Variants in COL9A2 observed in about 807,000 individuals in gnomAD.
COL9A2 encodes collagen alpha-2(IX) chain.
COL9A2 carries 66 observed loss-of-function variants against 111.6 expected under a neutral mutation model. The observed-to-expected ratio is 0.59, with a 90% CI of 0.48 to 0.73. COL9A2 has a LOEUF of 0.73. Among genes scored for constraint, COL9A2 ranks in the 30% least tolerant of loss-of-function variants. The probability of loss-of-function intolerance (pLI) is 0.00; values close to 1 mark genes in which losing one functional copy is unlikely to be tolerated. For synonymous variants in COL9A2, 353 were observed against 364.1 expected, an observed-to-expected ratio of 0.97 and a Z score of 0.35; for missense variants, 881 against 954.1, an observed-to-expected ratio of 0.92 and a Z score of 1.01.
In COL9A2 at chr1:40,311,105, G is replaced by C. The variant is rs1382221363; in HGVS notation, c.618C>G (p.His206Gln). The C allele has an allele frequency of 1.9e-6, 3 of 1,614,126 alleles. No homozygotes were observed. ...GKRGILGDPGHQGKPGPKGDV... is the reference protein window; with the variant it reads ...GKRGILGDPGQQGKPGPKGDV... ...CCCTTGCACTCACCGGCTTCCCCTG[G>C]TGGCCAGGATCACCCAGAATCCCGC... is the stretch of plus-strand genomic sequence containing the variant. The change falls in exon 12 of 32, where the codon CAC becomes CAG. Residue 206 changes from histidine (H) to glutamine (Q), a missense_variant. Transcript: ENST00000372748. This position sits in a 1 kb window ranked among gnomAD's most constrained non-coding sequence, Gnocchi z 5.1.
At chr1:40,313,939 T>G (rs1285664787) in intron 4 of COL9A2, among the ~76,000 whole-genome samples, 5 of 152,294 alleles carry the variant, frequency 3.3e-5, no homozygotes, top group Middle Eastern at 6.8e-3. Context: ...GACTAAGTCC[T>G]GACTGCTGAG....
In COL9A2 at chr1:40,303,857, A is replaced by T. The variant is rs1185167364; in HGVS notation, c.1369-18T>A. 10 of 1,551,700 alleles carry T rather than the reference A, an allele frequency of 6.4e-6. No homozygotes were observed. The highest frequency in any genetic ancestry group is 8.7e-6 in the Non-Finnish European group (10 of 1,148,488). On this transcript the variant is annotated intron_variant, in intron 26 of 31. Transcript: ENST00000372748. The surrounding 1 kb of genome is among the most constrained non-coding windows in gnomAD (Gnocchi z 4.6). ...GACTCGCCCTGCAGGCACAAGGAGC[A>T]GCGGTCACGAAGCCGCGGGGACCCC...
Position 40,302,829 on chromosome 1 carries a change from GA to G in COL9A2, c.1604-21del. ...GTTGCTCTGGAGGGAGGGAGGGAGG[GA>G]GGGAGAGGGAAGTCTATGAGATGGG... On this transcript the variant is annotated intron_variant, in intron 29 of 31. Transcript: ENST00000372748. This position sits in a 1 kb window ranked among gnomAD's most constrained non-coding sequence, Gnocchi z 4.5. 1 of 501,098 alleles carries G rather than the reference GA, an allele frequency of 2.0e-6. No homozygotes were observed. The highest frequency in any genetic ancestry group is 4.0e-6 in the Non-Finnish European group (1 of 250,528). The allele number at this position is 501,098 out of a possible 1,614,324, so 31.0% of individuals were successfully genotyped here.
chr1:40,303,517 G>C lies in COL9A2; in HGVS notation c.1548+13C>G. 6.2e-7 allele frequency: 1 copy of C among 1,612,802 alleles called. No homozygotes were observed. The highest frequency in any genetic ancestry group is 8.5e-7 in the Non-Finnish European group (1 of 1,179,844). ...CCTAGAAGAAGCACCTCCTACCCCG[G>C]GGCCCGACTCACCTCCACGCCCTGT... On this transcript the variant is annotated intron_variant, in intron 28 of 31. Transcript: ENST00000372748. The surrounding 1 kb of genome is among the most constrained non-coding windows in gnomAD (Gnocchi z 4.6).
rs934855163 is a variant in COL9A2 at position 40,310,486 on chromosome 1, C to A, written c.685-169G>T. Among the ~76,000 whole-genome samples the A allele has an allele frequency of 2.0e-5, 3 of 152,186 alleles. No homozygotes were observed. Among genetic ancestry groups the A allele is most frequent in the Admixed American group, 1.3e-4 (2 of 15,280 alleles). On this transcript the variant is annotated intron_variant, in intron 13 of 31. Transcript: ENST00000372748. This position sits in a 1 kb window ranked among gnomAD's most constrained non-coding sequence, Gnocchi z 4.9. ...AGATGAGGAGGGACTCACTGCATTA[C>A]TCAAAGGGACAGTGGCAGACCTGGA...
intron 2 of COL9A2, chr1:40,315,295 C>T: frequency 5.7e-6 from 7 of 1,233,782 alleles, no homozygotes; most frequent in Non-Finnish European, 7.1e-6. Flanking sequence ...GCCTCCTACC[C>T]CACAAGGAGG....
At chr1:40,313,452 A>T (rs926773158) in intron 4 of COL9A2, among the ~76,000 whole-genome samples, 1 of 152,210 alleles carries the variant, frequency 6.6e-6, no homozygotes, top group Non-Finnish European at 1.5e-5. Context: ...TACAGGCATA[A>T]GCCACCACGC....
Position 40,302,772 on chromosome 1 carries a change from T to C in COL9A2, c.1641A>G (p.Glu547=). 6.8e-7 allele frequency: 1 copy of C among 1,468,972 alleles called. No individual in the cohort carries two copies. Among genetic ancestry groups the C allele is most frequent in the Non-Finnish European group, 9.1e-7 (1 of 1,097,900 alleles). 91.0% of individuals were successfully genotyped at this position (1,468,972 alleles called of 1,614,324 possible). ...LAEVAVSAKR[E]ALGAVGMMGP... Reference sequence around the variant, plus strand: ...CCATCATGCCCACCGCACCCAGGGCTTCCCGCTTGGCACTCACGGCGACCT... The same window carrying C: ...CCATCATGCCCACCGCACCCAGGGCCTCCCGCTTGGCACTCACGGCGACCT... Residue 547 remains glutamate, a synonymous_variant, in exon 30 of 32, where the codon GAA becomes GAG. Transcript: ENST00000372748. This position sits in a 1 kb window ranked among gnomAD's most constrained non-coding sequence, Gnocchi z 4.5.
Position 40,316,628 on chromosome 1 carries a change from A to T in COL9A2, c.75+495T>A, listed in dbSNP as rs537731879. On this transcript the variant is annotated intron_variant, in intron 1 of 31. Coordinates refer to ENST00000372748, the MANE Select transcript of COL9A2 (RefSeq NM_001852.4). The surrounding 1 kb of genome is among the most constrained non-coding windows in gnomAD (Gnocchi z 5.5). ...AGCTCGAAACCACACCCAGCACCCG[A>T]CCGGGCCCAGTCTCTGCCCTACCCG... is the stretch of plus-strand genomic sequence containing the variant. 3.3e-3 allele frequency: 1,483 copies of T among 454,706 alleles called. 18 individuals carry two copies. Among genetic ancestry groups the T allele is most frequent in the South Asian group, 0.015 (943 of 64,458 alleles). 28.2% of individuals were successfully genotyped at this position (454,706 alleles called of 1,614,324 possible). A position where few individuals can be genotyped will look rare whatever the true frequency, so the allele number is the denominator to read the frequency against.
rs1036640585 is a variant in COL9A2, at chr1:40,301,064, C to G, written c.*118G>C. 1.1e-5 allele frequency: 12 copies of G among 1,095,908 alleles called. No individual in the cohort carries two copies. The African/African-American group carries it at 1.7e-4, about 16-fold the overall frequency. The allele number at this position is 1,095,908 out of a possible 1,614,324, so 67.9% of individuals were successfully genotyped here. On this transcript the variant is annotated 3_prime_UTR_variant, in exon 32 of 32. Transcript: ENST00000372748. ...TCCTTTTCCTTAGGACTCCTGAGTCCCAGACAGAAGGTCCTGGGGGAGATG... is the reference window on the plus strand; with the variant it reads ...TCCTTTTCCTTAGGACTCCTGAGTCGCAGACAGAAGGTCCTGGGGGAGATG...
chr1:40,305,778 A>G lies in COL9A2; in HGVS notation c.1054-10T>C, dbSNP rs777732436. The stretch of plus-strand genomic sequence containing the variant: ...GCGGGCCCGGCTCACCCTGCAGGAA[A>G]ACAGTTCTCAGGTCAGTCTGGGTGG... On this transcript the variant is annotated splice_polypyrimidine_tract_variant and intron_variant, in intron 20 of 31. Coordinates refer to ENST00000372748, the MANE Select transcript of COL9A2 (RefSeq NM_001852.4). The G allele has an allele frequency of 6.2e-7, 1 of 1,613,860 alleles. No homozygotes were observed. Among genetic ancestry groups the G allele is most frequent in the Non-Finnish European group, 8.5e-7 (1 of 1,179,900 alleles).
chr1:40,309,668 TCA>T (rs922823793), intron 16 of COL9A2, among the ~76,000 whole-genome samples: 2 of 150,966 alleles, frequency 1.3e-5, no homozygotes, highest in Admixed American at 6.6e-5. Flanking sequence ...ATACATACAC[TCA>T]CAGTCACACA....
chr1:40,303,626 G>A lies in COL9A2; in HGVS notation c.1452C>T (p.Gly484=), dbSNP rs1031949741. The part of the protein sequence containing the change: ...PGYPGPSGDA[G]APGVQGYPGP... The stretch of plus-strand genomic sequence containing the variant: ...CAGGGTAGCCCTGAACCCCTGGGGC[G>A]CCCGCATCCCCGCTGGGGCCAGGGT... Residue 484 remains glycine, a synonymous_variant, in exon 28 of 32, where the codon GGC becomes GGT. Transcript: ENST00000372748. This position sits in a 1 kb window ranked among gnomAD's most constrained non-coding sequence, Gnocchi z 4.6. The A allele has an allele frequency of 1.9e-6, 3 of 1,596,436 alleles. No individual in the cohort carries two copies. Among genetic ancestry groups the A allele is most frequent in the Non-Finnish European group, 1.7e-6 (2 of 1,172,530 alleles).
Position 40,307,676 on chromosome 1 carries a change from C to G in COL9A2, c.954+27G>C, listed in dbSNP as rs760901425. ...AGGACTCAAGGTCCTGCCCCTGCCC[C>G]AGTCCCATCAGCAGCCCCACTCCTA... On this transcript the variant is annotated intron_variant, in intron 18 of 31. Transcript: ENST00000372748. This position sits in a 1 kb window ranked among gnomAD's most constrained non-coding sequence, Gnocchi z 4.8. 1 of 1,613,738 alleles carries G rather than the reference C, an allele frequency of 6.2e-7. No homozygotes were observed. Among genetic ancestry groups the G allele is most frequent in the Non-Finnish European group, 8.5e-7 (1 of 1,179,746 alleles).
intron 16 of COL9A2, among the ~76,000 whole-genome samples, chr1:40,309,686 ACT>A (rs1189290576): frequency 1.8e-4 from 28 of 151,818 alleles, no homozygotes; most frequent in African/African-American, 6.8e-4. Context: ...ACACACACAC[ACT>A]CAGAGATATC....
In COL9A2 at chr1:40,315,653, C is replaced by T; in HGVS notation, c.87G>A (p.Pro29=). Residue 29 remains proline, a synonymous_variant, in exon 2 of 32, where the codon CCG becomes CCA. Coordinates refer to ENST00000372748, the MANE Select transcript of COL9A2 (RefSeq NM_001852.4). ...VLALAQIRGP[P]GERGPPGPPG... ...GGGGACCCGGGGGGCCCCGCTCTCC[C>T]GGTGGACCTCTCTGAAAAACACACA... The T allele has an allele frequency of 1.3e-6, 2 of 1,553,448 alleles. No homozygotes were observed. The highest frequency in any genetic ancestry group is 2.4e-5 in the East Asian group (1 of 41,638).
Position 40,316,674 on chromosome 1 carries a change from GC to G in COL9A2, c.75+448del. 2.3e-6 allele frequency: 1 copy of G among 436,332 alleles called. No individual in the cohort carries two copies. 27.0% of individuals were successfully genotyped at this position (436,332 alleles called of 1,614,324 possible). ...ACCCGCGCGCCCGCAGCCCCCGGCG[GC>G]CCTCGGAAGGGAGACGTGGGTAGGC... On this transcript the variant is annotated intron_variant, in intron 1 of 31. Coordinates refer to ENST00000372748, the MANE Select transcript of COL9A2 (RefSeq NM_001852.4). The surrounding 1 kb of genome is among the most constrained non-coding windows in gnomAD (Gnocchi z 5.5).
intron 2 of COL9A2, 82 bp downstream of exon 2, chr1:40,315,508 T>C: frequency 7.2e-7 from 1 of 1,392,704 alleles, no homozygotes; most frequent in African/African-American, 1.5e-5. Flanking sequence ...CACCCCGAAG[T>C]CCCCACCCCC....
Position 40,303,684 on chromosome 1 carries a change from G to T in COL9A2, c.1402-8C>A. ...TTCTCCACGTACTCCTTGCTGCGGG[G>T]GGATGGGGGTGGGAGCAGAGCCGGG... On this transcript the variant is annotated splice_polypyrimidine_tract_variant and splice_region_variant and intron_variant, in intron 27 of 31. Transcript: ENST00000372748. This position sits in a 1 kb window ranked among gnomAD's most constrained non-coding sequence, Gnocchi z 4.6. The T allele has an allele frequency of 6.4e-7, 1 of 1,556,378 alleles. No homozygotes were observed. The highest frequency in any genetic ancestry group is 1.2e-5 in the South Asian group (1 of 84,744).
Sources: gnomAD v4.1 joint callset for allele counts (sites outside exome capture counted in the v4.1 genomes callset) on GRCh38, gnomAD v4.1.1 for gene constraint, Gnocchi (gnomAD v3.1) non-coding constraint, MANE v1.5 for transcripts, NCBI Gene and HGNC (gene_info 2026-07-23, HGNC 2026-07-21) for gene names.